The following REC114 variants were observed in gnomAD, a reference collection of about 807,000 sequenced individuals.
The protein encoded by REC114 is REC114 meiotic recombination protein, also known as meiotic recombination protein REC114.
In REC114, 27 loss-of-function variants were observed where a neutral mutation model predicts 31.3. The observed-to-expected ratio is 0.86, with a 90% CI of 0.64 to 1.19. The LOEUF is 1.19. Ranked by LOEUF, REC114 falls within the 50% of genes most tolerant of loss-of-function variation. The probability of loss-of-function intolerance (pLI) is 0.00; values close to 1 mark genes in which losing one functional copy is unlikely to be tolerated. For synonymous variants in REC114, 134 were observed against 127.7 expected, an observed-to-expected ratio of 1.05 and a Z score of -0.33; for missense variants, 344 against 326.9, an observed-to-expected ratio of 1.05 and a Z score of -0.40.
chr15:73,493,006 T>A (rs1054553091), intron 2 of REC114, among the ~76,000 whole-genome samples: 9 of 151,970 alleles, frequency 5.9e-5, no homozygotes, highest in African/African-American at 1.4e-4. Flanking sequence ...TTCTTTATTT[T>A]TTTTTATTTT....
intron 3 of REC114, among the ~76,000 whole-genome samples, chr15:73,543,774 T>C (rs1463527916): frequency 6.6e-6 from 1 of 152,120 alleles, no homozygotes; most frequent in East Asian, 1.9e-4. Flanking sequence ...TTACAGACAA[T>C]TGTATTTCTT....
intron 1 of REC114, among the ~76,000 whole-genome samples, chr15:73,463,710 A>G (rs1054644312): frequency 2.6e-5 from 4 of 152,146 alleles, no homozygotes; most frequent in Admixed American, 6.5e-5. Context: ...AGTCCCAGCT[A>G]CTTGGGATGC....
At chr15:73,524,605 C>CT (rs894277748) in intron 2 of REC114, among the ~76,000 whole-genome samples, 29 of 151,142 alleles carry the variant, frequency 1.9e-4, no homozygotes, top group South Asian at 6.3e-4. Context: ...TTTTATTTTT[C>CT]TTTTTTTTTG....
intron 4 of REC114, among the ~76,000 whole-genome samples, chr15:73,554,915 G>A (rs1310088067): frequency 6.6e-6 from 1 of 152,216 alleles, no homozygotes; most frequent in African/African-American, 2.4e-5. Context: ...GAAACACTAG[G>A]CACTAGAGGC....
At chr15:73,557,748 C>T (rs960442104) in intron 5 of REC114, among the ~76,000 whole-genome samples, 20 of 152,294 alleles carry the variant, frequency 1.3e-4, no homozygotes, top group Middle Eastern at 6.8e-3. Context: ...AGTTTATTTA[C>T]GTAGTATGGA....
intron 1 of REC114, among the ~76,000 whole-genome samples, chr15:73,459,673 G>GT (rs374470855): frequency 3.5e-4 from 54 of 152,318 alleles, no homozygotes; most frequent in African/African-American, 1.2e-3. Context: ...TTGAAGTTAA[G>GT]TTTTTTATAT....
intron 2 of REC114, among the ~76,000 whole-genome samples, chr15:73,493,507 TTC>T (rs1210674198): frequency 7.9e-5 from 12 of 152,284 alleles, no homozygotes; most frequent in East Asian, 5.8e-4. Context: ...CTATTATTTT[TTC>T]TTTTTTTCTT....
intron 3 of REC114, among the ~76,000 whole-genome samples, chr15:73,542,498 G>A (rs1894254115): frequency 6.6e-6 from 1 of 151,976 alleles, no homozygotes; most frequent in Non-Finnish European, 1.5e-5. Context: ...TCCATTGAAG[G>A]AAGGTCAGCA....
chr15:73,473,902 TC>T lies in REC114; in HGVS notation c.232del (p.Gln78LysfsTer18). On this transcript the variant is annotated frameshift_variant, in exon 2 of 6. Coordinates refer to ENST00000331090, the MANE Select transcript of REC114 (RefSeq NM_001042367.2). LOFTEE classifies it high-confidence loss of function. ...TIVISGHFFI[F>X]QGQTLLEGFS... Reference sequence around the variant, plus strand: ...GTTATATCAGGTCATTTCTTCATTTTCCAAGGACAGACACTACTGGTAGGTT... The same window carrying T: ...GTTATATCAGGTCATTTCTTCATTTTCAAGGACAGACACTACTGGTAGGTT... 6.3e-7 allele frequency: 1 copy of T among 1,580,784 alleles called. No individual in the cohort carries two copies. The highest frequency in any genetic ancestry group is 8.6e-7 in the Non-Finnish European group (1 of 1,158,872).
chr15:73,542,961 T>TATA (rs796558723), intron 3 of REC114, among the ~76,000 whole-genome samples: 145 of 151,028 alleles, frequency 9.6e-4, no homozygotes, highest in African/African-American at 3.5e-3. Flanking sequence ...TTTTTTTTTT[T>TATA]TATATAAATT....
chr15:73,503,450 A>G (rs1471802002), intron 2 of REC114, among the ~76,000 whole-genome samples: 4 of 152,062 alleles, frequency 2.6e-5, no homozygotes, highest in African/African-American at 9.7e-5. Flanking sequence ...TATTTACAGG[A>G]AAAAAAAGTG....
intron 2 of REC114, among the ~76,000 whole-genome samples, chr15:73,485,359 G>T (rs529742218): frequency 9.2e-5 from 14 of 152,160 alleles, no homozygotes; most frequent in Non-Finnish European, 2.1e-4. Context: ...TGGGATTACA[G>T]GTGTGAGCCA....
At chr15:73,497,424 A>T (rs1013236556) in intron 2 of REC114, among the ~76,000 whole-genome samples, 14 of 152,172 alleles carry the variant, frequency 9.2e-5, no homozygotes, top group African/African-American at 3.4e-4. Context: ...TCTGTAGGTT[A>T]TCCATCACTA....
At chr15:73,513,224 C>T (rs2141315762) in intron 2 of REC114, among the ~76,000 whole-genome samples, 1 of 150,882 alleles carries the variant, frequency 6.6e-6, no homozygotes, top group East Asian at 2.0e-4. Flanking sequence ...CCCTTTCTTC[C>T]AGTTGATCGC....
intron 2 of REC114, among the ~76,000 whole-genome samples, chr15:73,539,819 C>A (rs1283429195): frequency 1.3e-5 from 2 of 152,142 alleles, no homozygotes; most frequent in Non-Finnish European, 2.9e-5. Flanking sequence ...GACAACATAA[C>A]TGGCGCTTAA....
intron 1 of REC114, among the ~76,000 whole-genome samples, chr15:73,445,771 G>A (rs372452643): frequency 2.0e-5 from 3 of 152,120 alleles, no homozygotes; most frequent in African/African-American, 7.2e-5. Context: ...TGTCTTCTAT[G>A]GGCATGGTTT....
rs1894552749 is a variant in REC114 at position 73,559,807 on chromosome 15, C to T, written c.692C>T (p.Ala231Val). The part of the protein sequence containing the change: ...PHVYEQSAWG[A>V]EELGPFLRLC... Reference sequence around the variant, plus strand: ...GTCTATGAACAATCTGCATGGGGTGCAGAAGAGTTAGGCCCCTTCCTACGT... The same window carrying T: ...GTCTATGAACAATCTGCATGGGGTGTAGAAGAGTTAGGCCCCTTCCTACGT... Residue 231 changes from alanine to valine, a missense_variant, in exon 6 of 6, where the codon GCA (alanine) becomes GTA (valine). Ala to Val is a moderately conservative substitution (Grantham distance 64, BLOSUM62 0). Transcript: ENST00000331090. 1 of 1,612,246 alleles carries T rather than the reference C, an allele frequency of 6.2e-7. No individual in the cohort carries two copies. Among genetic ancestry groups the T allele is most frequent in the Admixed American group, 1.7e-5 (1 of 59,576 alleles).
At chr15:73,551,269 G>C (rs1004248574) in intron 4 of REC114, 119 bp downstream of exon 4, 21 of 1,013,524 alleles carry the variant, frequency 2.1e-5, no homozygotes, top group Non-Finnish European at 3.0e-5. Flanking sequence ...AAACATCTAT[G>C]TTCGGTGACT....
chr15:73,503,689 TA>T (rs1179217347), intron 2 of REC114, among the ~76,000 whole-genome samples: 1 of 152,190 alleles, frequency 6.6e-6, no homozygotes, highest in Admixed American at 6.5e-5. Context: ...TTTTCCTGTT[TA>T]TAATGAGTTT....
Sources: allele counts gnomAD v4.1 joint callset (sites outside exome capture counted in the v4.1 genomes callset), GRCh38; gene constraint gnomAD v4.1.1; transcripts MANE v1.5; gene names NCBI Gene and HGNC (gene_info 2026-07-23, HGNC 2026-07-21).